Variants in BICD2 observed in about 807,000 individuals in gnomAD.
The protein encoded by BICD2 is protein bicaudal D homolog 2.
A neutral mutation model predicts 72.9 loss-of-function variants in BICD2; 25 were observed. That is an observed-to-expected ratio of 0.34 (90% confidence interval 0.25 to 0.48). The LOEUF is 0.48. Ranked by LOEUF, BICD2 falls within the 20% of genes least tolerant of loss-of-function variation. The probability of loss-of-function intolerance (pLI) is 0.99; values close to 1 mark genes in which losing one functional copy is unlikely to be tolerated. For synonymous variants in BICD2, 501 were observed against 516.1 expected (o/e 0.97, Z 0.40); for missense variants, 894 against 1,175.2 (o/e 0.76, Z 3.50).
intron 1 of BICD2, among the ~76,000 whole-genome samples, chr9:92,730,224 A>G (rs992066784): frequency 1.3e-5 from 2 of 152,188 alleles, no homozygotes; most frequent in Non-Finnish European, 2.9e-5. Context: ...CTTGCAGAAG[A>G]CCTTATCTTT....
chr9:92,747,139 AG>A (rs1422116633), intron 1 of BICD2, among the ~76,000 whole-genome samples: 1 of 152,200 alleles, frequency 6.6e-6, no homozygotes, highest in African/African-American at 2.4e-5. Flanking sequence ...GCTCCCACAC[AG>A]ACCTTCTGGA....
In BICD2 at chr9:92,731,482, AAAAAAG is replaced by A. The variant is rs901845135; in HGVS notation, c.241-2252_241-2247del. On this transcript the variant is annotated intron_variant, in intron 1 of 6. Transcript: ENST00000356884. Reference sequence around the variant, plus strand: ...ACCTTCTGTGTGAAAACTTAAAAAAAAAAAAGAAAAAGAAAAAAACCAGGCAATGAT... The same window carrying A: ...ACCTTCTGTGTGAAAACTTAAAAAAAAAAAAGAAAAAAACCAGGCAATGAT... 6.6e-5 allele frequency among the ~76,000 whole-genome samples: 10 copies of A among 152,264 alleles called. No individual in the cohort carries two copies. The South Asian group carries it at 2.1e-3, about 32-fold the overall frequency.
At chr9:92,754,161 A>T (rs1284480008) in intron 1 of BICD2, among the ~76,000 whole-genome samples, 1 of 149,872 alleles carries the variant, frequency 6.7e-6, no homozygotes, top group Non-Finnish European at 1.5e-5. Flanking sequence ...AAAAAAAAAG[A>T]CACATAAGTG....
In BICD2 at chr9:92,720,510, C is replaced by A. The variant is rs753994970; in HGVS notation, c.852G>T (p.Lys284Asn). 2 of 1,614,214 alleles carry A rather than the reference C, an allele frequency of 1.2e-6. No individual in the cohort carries two copies. Among genetic ancestry groups the A allele is most frequent in the Non-Finnish European group, 8.5e-7 (1 of 1,180,034 alleles). ...TGGGCTCGGCAGCATCGTCACTGAACTTGAGGCCATCCAGCGAGACATGCA... is the reference window on the plus strand; with the variant it reads ...TGGGCTCGGCAGCATCGTCACTGAAATTGAGGCCATCCAGCGAGACATGCA... ...SHLHVSLDGL[K>N]FSDDAAEPNN... The change falls in exon 4 of 7, where the codon AAG becomes AAT. Residue 284 changes from lysine to asparagine, a missense_variant. Coordinates refer to ENST00000356884, the MANE Select transcript of BICD2 (RefSeq NM_001003800.2). This position sits in a 1 kb window ranked among gnomAD's most constrained non-coding sequence, Gnocchi z 5.4.
At chr9:92,730,225 C>T (rs1030737375) in intron 1 of BICD2, among the ~76,000 whole-genome samples, 3 of 152,196 alleles carry the variant, frequency 2.0e-5, no homozygotes, top group African/African-American at 7.2e-5. Flanking sequence ...TTGCAGAAGA[C>T]CTTATCTTTT....
intron 1 of BICD2, among the ~76,000 whole-genome samples, chr9:92,747,625 A>G (rs901062086): frequency 1.3e-5 from 2 of 152,138 alleles, no homozygotes; most frequent in African/African-American, 4.8e-5. Context: ...CACCCCCATC[A>G]CTTTAGCTCA....
chr9:92,718,373 G>T (rs1376934432), intron 5 of BICD2, among the ~76,000 whole-genome samples, 166 bp downstream of exon 5: 2 of 152,244 alleles, frequency 1.3e-5, no homozygotes, highest in Non-Finnish European at 2.9e-5. Context: ...CCAGCTGGGG[G>T]CCCTGAGCAG....
intron 1 of BICD2, among the ~76,000 whole-genome samples, chr9:92,739,906 T>C (rs1487555866): frequency 6.6e-6 from 1 of 152,174 alleles, no homozygotes; most frequent in Admixed American, 6.5e-5. Flanking sequence ...CTGCCCTGCA[T>C]AGCCAGGACT....
chr9:92,752,439 T>G (rs1854169941), intron 1 of BICD2, among the ~76,000 whole-genome samples: 1 of 151,806 alleles, frequency 6.6e-6, no homozygotes, highest in African/African-American at 2.4e-5. Flanking sequence ...AGCAACAAAA[T>G]GAGGTAATGT....
chr9:92,742,378 C>CTT (rs1043689970), intron 1 of BICD2, among the ~76,000 whole-genome samples: 8 of 142,714 alleles, frequency 5.6e-5, no homozygotes, highest in South Asian at 2.3e-4. Context: ...TTCCACATTT[C>CTT]TTTTTTTTTT....
At chr9:92,715,688 C>T (rs987157194) in intron 6 of BICD2, among the ~76,000 whole-genome samples, 4 of 152,170 alleles carry the variant, frequency 2.6e-5, no homozygotes, top group Non-Finnish European at 5.9e-5. Context: ...AGGCTTGGGC[C>T]CAGGCAGGGC....
intron 6 of BICD2, among the ~76,000 whole-genome samples, chr9:92,717,356 C>T (rs1853337777): frequency 6.6e-6 from 1 of 152,374 alleles, no homozygotes; most frequent in Admixed American, 6.5e-5. Context: ...GTTTCATTCA[C>T]AGCAAAATGG....
In BICD2 at chr9:92,713,552, C is replaced by T. The variant is rs978527521; in HGVS notation, c.*1602G>A. On this transcript the variant is annotated 3_prime_UTR_variant, in exon 7 of 7. Transcript: ENST00000356884. The stretch of plus-strand genomic sequence containing the variant: ...TGAAGCTCTCCACGTGCTGGGAGGG[C>T]GCGAGCACGTTAGTTGGCAGAAGAG... 18 of 1,549,226 alleles carry T rather than the reference C, an allele frequency of 1.2e-5. No individual in the cohort carries two copies. The highest frequency in any genetic ancestry group is 1.3e-5 in the Non-Finnish European group (15 of 1,145,846).
rs563970096 is a variant in BICD2, at chr9:92,717,397, G to C, written c.2258+400C>G. On this transcript the variant is annotated intron_variant, in intron 6 of 6. Transcript: ENST00000356884. ...GCGCCACAGAACCAGGCTCCTGGGG[G>C]CTGGGCTAGGTGCAAAAGGAACATT... is the stretch of plus-strand genomic sequence containing the variant. 2.0e-5 allele frequency among the ~76,000 whole-genome samples: 3 copies of C among 152,372 alleles called. No homozygotes were observed. The South Asian group carries it at 6.2e-4, about 32-fold the overall frequency.
intron 1 of BICD2, among the ~76,000 whole-genome samples, chr9:92,750,723 T>C (rs1854129155): frequency 6.6e-6 from 1 of 152,078 alleles, no homozygotes; most frequent in Non-Finnish European, 1.5e-5. Flanking sequence ...TAAATGCCAC[T>C]GCATTTATAA....
intron 1 of BICD2, among the ~76,000 whole-genome samples, chr9:92,752,734 G>A (rs1854175914): frequency 6.6e-6 from 1 of 152,182 alleles, no homozygotes; most frequent in Non-Finnish European, 1.5e-5. Context: ...TCCAGCCTGG[G>A]CGACAGAGTG....
chr9:92,722,603 T>A, intron 3 of BICD2, 53 bp downstream of exon 3: 8 of 1,610,444 alleles, frequency 5.0e-6, no homozygotes, highest in Non-Finnish European at 5.1e-6. Flanking sequence ...CAAGAGGTCC[T>A]CAAGGCCCAG....
chr9:92,724,973 G>C (rs1272337784), intron 2 of BICD2, among the ~76,000 whole-genome samples: 1 of 152,218 alleles, frequency 6.6e-6, no homozygotes, highest in African/African-American at 2.4e-5. Flanking sequence ...GGAAGCTGAG[G>C]GGAAGGTCTG....
At chr9:92,744,992 C>T (rs539640350) in intron 1 of BICD2, among the ~76,000 whole-genome samples, 1 of 152,270 alleles carries the variant, frequency 6.6e-6, no homozygotes, top group Admixed American at 6.5e-5. Context: ...CCAAACCAAA[C>T]ATATCACAGG....
Sources: gnomAD v4.1 joint callset for allele counts (sites outside exome capture counted in the v4.1 genomes callset) on GRCh38, gnomAD v4.1.1 for gene constraint, Gnocchi (gnomAD v3.1) non-coding constraint, MANE v1.5 for transcripts, NCBI Gene and HGNC (gene_info 2026-07-23, HGNC 2026-07-21) for gene names.